SP4: variants seen among roughly 807,000 people sequenced by gnomAD.
SP4 encodes the protein Sp4 transcription factor.
A neutral mutation model predicts 72.8 loss-of-function variants in SP4; 19 were observed. The observed-to-expected ratio is 0.26, with a 90% CI of 0.18 to 0.38. SP4 has a LOEUF of 0.38. Ranked by LOEUF, SP4 falls within the 10% of genes least tolerant of loss-of-function variation. The pLI, the probability that SP4 is intolerant of heterozygous loss-of-function variation, is 1.00. For missense variants in SP4, 1,008 were observed against 926.3 expected, an observed-to-expected ratio of 1.09 and a Z score of -1.14; for synonymous variants, 395 against 333.1, an observed-to-expected ratio of 1.19 and a Z score of -2.02.
chr7:21,490,626 G>A (rs1784950887), intron 5 of SP4, among the ~76,000 whole-genome samples: 1 of 152,198 alleles, frequency 6.6e-6, no homozygotes, highest in Admixed American at 6.5e-5. Flanking sequence ...GAAAGGCATA[G>A]GGGAAATTTT....
intron 3 of SP4, among the ~76,000 whole-genome samples, chr7:21,448,124 A>G (rs1197420882): frequency 2.0e-5 from 3 of 152,216 alleles, no homozygotes; most frequent in Admixed American, 2.0e-4. Flanking sequence ...CTTGGATTTC[A>G]TTTTGTAGGT....
chr7:21,435,528 A>G (rs150465698), intron 3 of SP4, among the ~76,000 whole-genome samples: 155 of 152,310 alleles, frequency 1.0e-3, no homozygotes, highest in African/African-American at 3.4e-3. Context: ...GTTTAATGCA[A>G]ATATGGCTTT....
At chr7:21,442,038 ATTT>A (rs11300598) in intron 3 of SP4, among the ~76,000 whole-genome samples, 2 of 93,316 alleles carry the variant, frequency 2.1e-5, no homozygotes, top group Non-Finnish European at 4.0e-5. Flanking sequence ...GTGTGTGTGT[ATTT>A]TTTTTTTTTT....
At chr7:21,458,623 TTAATA>T (rs1390447692) in intron 3 of SP4, among the ~76,000 whole-genome samples, 2 of 152,108 alleles carry the variant, frequency 1.3e-5, no homozygotes, top group Non-Finnish European at 1.5e-5. Context: ...TCCAAGAAAA[TTAATA>T]TAATAATTTT....
chr7:21,477,235 A>G lies in SP4; in HGVS notation c.1835A>G (p.Gln612Arg), dbSNP rs1355804290. 6.2e-7 allele frequency: 1 copy of G among 1,614,098 alleles called. No homozygotes were observed. Among genetic ancestry groups the G allele is most frequent in the African/African-American group, 1.3e-5 (1 of 74,940 alleles). The change falls in exon 4 of 6, where the codon CAA becomes CGA. Residue 612 changes from glutamine to arginine, a missense_variant. Physicochemically the swap from Gln to Arg is conservative, Grantham distance 43. This residue lies in a region of SP4 where 893 missense variants were observed against 743.3 expected (regional missense o/e 1.20). Coordinates refer to ENST00000222584, the MANE Select transcript of SP4 (RefSeq NM_003112.5). ...CAGCAAGGCCAGCAGACTTCTGATC[A>G]AGAGGTACAACCTGGCAAGAGGCTT... is the stretch of plus-strand genomic sequence containing the variant. ...HLQQGQQTSD[Q>R]EVQPGKRLRR...
intron 5 of SP4, among the ~76,000 whole-genome samples, chr7:21,491,340 A>C (rs527721049): frequency 1.3e-5 from 2 of 152,322 alleles, no homozygotes; most frequent in South Asian, 4.1e-4. Context: ...GATTGAAGAT[A>C]GACCACTGGA....
chr7:21,436,599 G>A (rs984210479), intron 3 of SP4, among the ~76,000 whole-genome samples: 7 of 152,126 alleles, frequency 4.6e-5, no homozygotes, highest in East Asian at 1.9e-4. Context: ...TGACAGTAAC[G>A]GGGGAACCTG....
chr7:21,483,238 T>A (rs981872937), intron 5 of SP4, among the ~76,000 whole-genome samples: 1 of 152,012 alleles, frequency 6.6e-6, no homozygotes, highest in African/African-American at 2.4e-5. Flanking sequence ...CTTTGTTTTT[T>A]AATTCTGGTT....
At chr7:21,503,924 A>T (rs1160871689) in intron 5 of SP4, among the ~76,000 whole-genome samples, 1 of 152,152 alleles carries the variant, frequency 6.6e-6, no homozygotes, top group Non-Finnish European at 1.5e-5. Flanking sequence ...CATTGACTCC[A>T]TTTGTGTAAT....
At chr7:21,457,654 C>G (rs1328121371) in intron 3 of SP4, among the ~76,000 whole-genome samples, 1 of 152,084 alleles carries the variant, frequency 6.6e-6, no homozygotes, top group Non-Finnish European at 1.5e-5. Context: ...TGATGAAGCA[C>G]ATTGAGTTTT....
chr7:21,442,281 C>T (rs1267072112), intron 3 of SP4, among the ~76,000 whole-genome samples: 5 of 152,014 alleles, frequency 3.3e-5, no homozygotes, highest in Admixed American at 6.5e-5. Flanking sequence ...CTCAGGTGAT[C>T]CACCCGCCTC....
chr7:21,477,481 G>A (rs1251187922), intron 4 of SP4, among the ~76,000 whole-genome samples, 174 bp downstream of exon 4: 3 of 152,306 alleles, frequency 2.0e-5, no homozygotes, highest in Non-Finnish European at 4.4e-5. Context: ...TGAAATTTGA[G>A]CGGTCCTCCG....
At chr7:21,510,954 G>A (rs1782125796) in intron 5 of SP4, 68 bp from the exon 6 acceptor site, 2 of 1,438,824 alleles carry the variant, frequency 1.4e-6, no homozygotes, top group East Asian at 2.3e-5. Context: ...CCAGAAGGGA[G>A]ATTATTAAAA....
chr7:21,477,047 TTACAA>T, intron 3 of SP4, 27 bp from the exon 4 acceptor site: 1 of 1,543,632 alleles, frequency 6.5e-7, no homozygotes, highest in Non-Finnish European at 8.9e-7. Context: ...GTAGAAAACA[TTACAA>T]TACTTCTTTT....
rs543381482 is a variant in SP4 at position 21,445,147 on chromosome 7, A to G, written c.1678+14304A>G. On this transcript the variant is annotated intron_variant, in intron 3 of 5. Coordinates refer to ENST00000222584, the MANE Select transcript of SP4 (RefSeq NM_003112.5). ...CAGATTCTAAGAATATAAGCGCAAT[A>G]AGAGTATGTATTCTTTTTTCCCTTT... Among the ~76,000 whole-genome samples, 7 of 152,304 alleles carry G rather than the reference A, an allele frequency of 4.6e-5. 1 individual carries two copies. In the South Asian group the frequency reaches 1.2e-3, roughly 27 times the overall value.
In SP4 at chr7:21,430,679, C is replaced by G. The variant is rs765520228; in HGVS notation, c.1514C>G (p.Thr505Arg). Reference protein sequence around the residue: ...TITPVSSSGGTTLAQIAPVAV... With the variant: ...TITPVSSSGGRTLAQIAPVAV... ...ACCCCAGTGTCTTCAAGTGGTGGCACAACTCTTGCTCAGATTGCTCCTGTG... is the reference window on the plus strand; with the variant it reads ...ACCCCAGTGTCTTCAAGTGGTGGCAGAACTCTTGCTCAGATTGCTCCTGTG... Residue 505 changes from threonine to arginine, a missense_variant, in exon 3 of 6, where the codon ACA becomes AGA. By Grantham distance (71) the Thr-to-Arg change is moderately conservative. Around this residue, in one of 3 missense-constraint regions of SP4, gnomAD observed 893 missense variants for 743.3 expected, o/e 1.20. Transcript: ENST00000222584. The G allele has an allele frequency of 6.2e-7, 1 of 1,614,248 alleles. No homozygotes were observed. The highest frequency in any genetic ancestry group is 1.7e-5 in the Admixed American group (1 of 60,034).
intron 3 of SP4, among the ~76,000 whole-genome samples, chr7:21,467,950 T>C (rs1443473308): frequency 6.6e-6 from 1 of 152,136 alleles, no homozygotes; most frequent in East Asian, 1.9e-4. Context: ...ATTAAATAGG[T>C]CAATTTCAGT....
chr7:21,480,991 C>CT (rs1322680701), intron 4 of SP4, among the ~76,000 whole-genome samples: 1 of 152,178 alleles, frequency 6.6e-6, no homozygotes, highest in African/African-American at 2.4e-5. Flanking sequence ...TACAACCCTG[C>CT]TTTAAGAGCT....
At chr7:21,482,642 C>T (rs894708821) in intron 5 of SP4, 22 of 984,304 alleles carry the variant, frequency 2.2e-5, no homozygotes, top group Non-Finnish European at 2.3e-5. Flanking sequence ...ATCATGTTTA[C>T]CCTTTCACCT....
Sources: gnomAD v4.1 joint callset for allele counts (sites outside exome capture counted in the v4.1 genomes callset) on GRCh38, gnomAD v4.1.1 for gene constraint, gnomAD v4.1.1 regional missense constraint, MANE v1.5 for transcripts, NCBI Gene and HGNC (gene_info 2026-07-23, HGNC 2026-07-21) for gene names.